Variants in PRKCA observed in about 807,000 individuals in gnomAD.
PRKCA encodes the protein protein kinase C alpha.
In PRKCA, 27 loss-of-function variants were observed where a neutral mutation model predicts 87.0. The ratio of observed to expected loss-of-function variants is 0.31; its 90% CI spans 0.23 to 0.43. The LOEUF (loss-of-function observed/expected upper bound fraction) is 0.43. PRKCA is among the 20% of genes least tolerant of loss of function. The probability of loss-of-function intolerance (pLI) is 1.00; values close to 1 mark genes in which losing one functional copy is unlikely to be tolerated. For synonymous variants in PRKCA, 329 were observed against 311.1 expected (o/e 1.06, Z -0.61); for missense variants, 518 against 852.3 (o/e 0.61, Z 4.88).
rs566216197 is a variant in PRKCA, at chr17:66,540,997, C to T, written c.288+44714C>T. ...TGTGCAAGTATTTGGTAGAACCCTA[C>T]AGAGGTAGGAAGTGGCTGTTACTAG... On this transcript the variant is annotated intron_variant, in intron 3 of 16. Coordinates refer to ENST00000413366, the MANE Select transcript of PRKCA (RefSeq NM_002737.3). 2.0e-5 allele frequency among the ~76,000 whole-genome samples: 3 copies of T among 152,242 alleles called. No homozygotes were observed. In the South Asian group the frequency reaches 6.2e-4, roughly 32 times the overall value.
In PRKCA at chr17:66,596,084, C is replaced by G. The variant is rs568559678; in HGVS notation, c.289-45271C>G. 2.6e-5 allele frequency among the ~76,000 whole-genome samples: 4 copies of G among 152,306 alleles called. No homozygotes were observed. In the South Asian group the frequency reaches 8.3e-4, roughly 32 times the overall value. On this transcript the variant is annotated intron_variant, in intron 3 of 16. Transcript: ENST00000413366. ...TTTGCACAGCTGCGTGTGGAGCCGG[C>G]TAGCACGTTGTCAGCAACACTTCTT...
At chr17:66,564,836 C>T (rs1279441870) in intron 3 of PRKCA, among the ~76,000 whole-genome samples, 4 of 152,064 alleles carry the variant, frequency 2.6e-5, no homozygotes, top group Non-Finnish European at 5.9e-5. Flanking sequence ...AAAAATTAGC[C>T]GGACGCAGTG....
Position 66,747,007 on chromosome 17 carries a change from CGAGAACCCCCTACTGCAGTGA to C in PRKCA, c.1524+4251_1524+4271del, listed in dbSNP as rs1182133728. Among the ~76,000 whole-genome samples the C allele has an allele frequency of 6.3e-4, 96 of 152,058 alleles. 3 individuals carry two copies. ...GAGTGTCTGCTTCTGGCCTGTGTCC[CGAGAACCCCCTACTGCAGTGA>C]GAGCAAAGCTTTTCATTTTATTTAT... is the stretch of plus-strand genomic sequence containing the variant. On this transcript the variant is annotated intron_variant, in intron 13 of 16. Coordinates refer to ENST00000413366, the MANE Select transcript of PRKCA (RefSeq NM_002737.3).
intron 3 of PRKCA, among the ~76,000 whole-genome samples, chr17:66,510,921 G>GT (rs953366791): frequency 1.3e-5 from 2 of 151,888 alleles, no homozygotes; most frequent in African/African-American, 2.4e-5. Context: ...TAATTTTCGT[G>GT]TTTTTTGTAG....
intron 2 of PRKCA, among the ~76,000 whole-genome samples, chr17:66,468,712 AG>A (rs1418800663): frequency 7.2e-5 from 11 of 152,076 alleles, no homozygotes; most frequent in Non-Finnish European, 1.2e-4. Context: ...CTTCTGAAGG[AG>A]GGTGGAGGGT....
At chr17:66,679,994 A>G (rs1229185698) in intron 5 of PRKCA, among the ~76,000 whole-genome samples, 1 of 152,196 alleles carries the variant, frequency 6.6e-6, no homozygotes, top group Admixed American at 6.5e-5. Context: ...TGGATATCTA[A>G]TAATTATCAA....
intron 3 of PRKCA, among the ~76,000 whole-genome samples, chr17:66,505,400 A>G (rs1212711717): frequency 1.3e-5 from 2 of 152,136 alleles, no homozygotes; most frequent in African/African-American, 4.8e-5. Context: ...GCGCGACGTA[A>G]TTACAAAGAA....
At chr17:66,668,157 C>CA (rs918433168) in intron 5 of PRKCA, among the ~76,000 whole-genome samples, 2 of 152,152 alleles carry the variant, frequency 1.3e-5, no homozygotes, top group African/African-American at 4.8e-5. Flanking sequence ...TTCGACCAGC[C>CA]AAAAAACCTG....
chr17:66,720,765 ATTAT>A (rs1440028198), intron 8 of PRKCA, among the ~76,000 whole-genome samples: 29 of 152,350 alleles, frequency 1.9e-4, no homozygotes, highest in African/African-American at 6.7e-4. Context: ...GAAATCCACA[ATTAT>A]TCATTTGTTC....
intron 2 of PRKCA, among the ~76,000 whole-genome samples, chr17:66,418,896 C>T (rs533254892): frequency 3.2e-4 from 48 of 151,522 alleles, no homozygotes; most frequent in Non-Finnish European, 3.7e-4. Context: ...GGACTACAGG[C>T]GCCCACCATC....
At chr17:66,609,586 G>A (rs1231191932) in intron 3 of PRKCA, among the ~76,000 whole-genome samples, 1 of 152,056 alleles carries the variant, frequency 6.6e-6, no homozygotes, top group African/African-American at 2.4e-5. Flanking sequence ...GATTTTGTCA[G>A]GCAGCTGGCC....
At chr17:66,782,006 C>T (rs1975245640) in intron 14 of PRKCA, among the ~76,000 whole-genome samples, 1 of 151,632 alleles carries the variant, frequency 6.6e-6, no homozygotes, top group African/African-American at 2.4e-5. Context: ...CTCTGCCTCC[C>T]GGGTTCAAGC....
At chr17:66,781,867 AGATAT>A (rs1975227046) in intron 14 of PRKCA, among the ~76,000 whole-genome samples, 1 of 87,648 alleles carries the variant, frequency 1.1e-5, no homozygotes, top group East Asian at 3.4e-4. Context: ...AGAGAGAGAG[AGATAT>A]ATATATATAT....
chr17:66,800,807 T>C (rs994401293), intron 16 of PRKCA, among the ~76,000 whole-genome samples: 2 of 152,212 alleles, frequency 1.3e-5, no homozygotes, highest in Admixed American at 6.5e-5. Context: ...TCCTGTGAAA[T>C]GGGGAGAGAA....
intron 11 of PRKCA, among the ~76,000 whole-genome samples, chr17:66,739,122 T>C (rs1974101865): frequency 6.6e-6 from 1 of 152,122 alleles, no homozygotes; most frequent in South Asian, 2.1e-4. Context: ...GCTCAAGCTG[T>C]CTGCCCACCT....
At chr17:66,787,111 C>T in intron 15 of PRKCA, 137 bp downstream of exon 15, 1 of 808,694 alleles carries the variant, frequency 1.2e-6, no homozygotes, top group Non-Finnish European at 2.2e-6. Flanking sequence ...AGGGTTGGGG[C>T]TTGGTGTCAT....
At chr17:66,320,912 T>C (rs1905617216) in intron 2 of PRKCA, among the ~76,000 whole-genome samples, 1 of 152,208 alleles carries the variant, frequency 6.6e-6, no homozygotes, top group African/African-American at 2.4e-5. Context: ...ATGGAGCTTA[T>C]TATTTGGTAG....
chr17:66,391,721 A>C (rs1239250161), intron 2 of PRKCA, among the ~76,000 whole-genome samples: 2 of 152,138 alleles, frequency 1.3e-5, no homozygotes, highest in Non-Finnish European at 2.9e-5. Context: ...TCAAACAGAA[A>C]AGTTGAAAGT....
chr17:66,738,873 A>C lies in PRKCA; in HGVS notation c.1322+18A>C. ...CAAGCAGTGTGAGTATTATTTTTTA[A>C]GTCCTTTAATTTGAACAACCAAGTC... On this transcript the variant is annotated intron_variant, in intron 11 of 16. Coordinates refer to ENST00000413366, the MANE Select transcript of PRKCA (RefSeq NM_002737.3). 6.3e-7 allele frequency: 1 copy of C among 1,596,018 alleles called. No individual in the cohort carries two copies. The highest frequency in any genetic ancestry group is 8.6e-7 in the Non-Finnish European group (1 of 1,164,094).
Sources: gnomAD v4.1 joint callset for allele counts (sites outside exome capture counted in the v4.1 genomes callset) on GRCh38, gnomAD v4.1.1 for gene constraint, MANE v1.5 for transcripts, NCBI Gene and HGNC (gene_info 2026-07-23, HGNC 2026-07-21) for gene names.